The following TSPAN11 variants were observed in gnomAD, a reference collection of about 807,000 sequenced individuals.
The protein encoded by TSPAN11 is tetraspanin-11.
A neutral mutation model predicts 32.9 loss-of-function variants in TSPAN11; 29 were observed. The observed-to-expected ratio is 0.88, with a 90% confidence interval of 0.66 to 1.20. TSPAN11 has a LOEUF of 1.20. TSPAN11 is among the 50% of genes most tolerant of loss of function. The pLI is 0.00. For missense variants in TSPAN11, 283 were observed against 329.1 expected, an observed-to-expected ratio of 0.86 and a Z score of 1.08; for synonymous variants, 140 against 141.3, an observed-to-expected ratio of 0.99 and a Z score of 0.07.
At chr12:30,985,014 G>C (rs1476658553) in intron 7 of TSPAN11, among the ~76,000 whole-genome samples, 3 of 152,118 alleles carry the variant, frequency 2.0e-5, no homozygotes, top group Non-Finnish European at 2.9e-5. Context: ...GAGAAGCAGG[G>C]GACAGTGGCC....
intron 1 of TSPAN11, among the ~76,000 whole-genome samples, chr12:30,934,647 T>G (rs1271408287): frequency 1.3e-5 from 2 of 151,056 alleles, no homozygotes; most frequent in Non-Finnish European, 2.9e-5. Flanking sequence ...TTTTTTTTTT[T>G]GCAATTTTTT....
At chr12:30,989,842 C>T (rs144277641) in intron 7 of TSPAN11, among the ~76,000 whole-genome samples, 108 of 152,336 alleles carry the variant, frequency 7.1e-4, no homozygotes, top group South Asian at 3.7e-3. Flanking sequence ...GAAGGCAGGA[C>T]GGCCTCCCTG....
intron 2 of TSPAN11, among the ~76,000 whole-genome samples, chr12:30,955,665 A>T (rs1020210763): frequency 6.6e-6 from 1 of 152,126 alleles, no homozygotes; most frequent in Non-Finnish European, 1.5e-5. Flanking sequence ...CTTGGATAGA[A>T]TCTTTCCTCG....
chr12:30,974,862 A>G (rs1406837674), intron 3 of TSPAN11, among the ~76,000 whole-genome samples: 1 of 152,256 alleles, frequency 6.6e-6, no homozygotes, highest in Admixed American at 6.5e-5. Flanking sequence ...CCAGCTGAGG[A>G]GAGAAGGGCA....
At chr12:31,011,594 A>T in the TSPAN11 span, among the ~76,000 whole-genome samples, 1 of 152,270 alleles carries the variant, frequency 6.6e-6, no homozygotes, top group Admixed American at 6.5e-5. Context: ...GACACCTCCC[A>T]TCACAGCGCA....
chr12:30,965,386 C>T (rs1381997114), intron 3 of TSPAN11, among the ~76,000 whole-genome samples: 1 of 152,158 alleles, frequency 6.6e-6, no homozygotes, highest in Non-Finnish European at 1.5e-5. Flanking sequence ...TCCTTCCTTC[C>T]GTCGGGTCAT....
chr12:30,952,246 A>G (rs1224361562), intron 1 of TSPAN11, among the ~76,000 whole-genome samples: 1 of 152,068 alleles, frequency 6.6e-6, no homozygotes, highest in Non-Finnish European at 1.5e-5. Flanking sequence ...AGGCCCCACA[A>G]ACTCTGCCAC....
intron 1 of TSPAN11, among the ~76,000 whole-genome samples, chr12:30,942,457 C>G (rs1938185845): frequency 6.6e-6 from 1 of 152,176 alleles, no homozygotes; most frequent in Admixed American, 6.5e-5. Context: ...TTTGCTTCAT[C>G]ACTGATTTTT....
chr12:30,948,400 A>G (rs112134241), intron 1 of TSPAN11, among the ~76,000 whole-genome samples: 7,768 of 152,284 alleles, frequency 0.051, 479 homozygotes, highest in East Asian at 0.14. Context: ...CCGCCCCTGC[A>G]GCAAACTTTT....
chr12:30,985,510 G>A (rs1034900640), intron 7 of TSPAN11, among the ~76,000 whole-genome samples: 26 of 152,278 alleles, frequency 1.7e-4, no homozygotes, highest in Middle Eastern at 6.8e-3. Context: ...CTTCCCCAGG[G>A]CAGGCCTTCT....
intron 6 of TSPAN11, 50 bp from the exon 7 acceptor site, chr12:30,983,014 C>A (rs1424198062): frequency 4.8e-5 from 76 of 1,575,512 alleles, no homozygotes; most frequent in Non-Finnish European, 6.4e-5. Context: ...TCCGTCCCCA[C>A]CCATGCCTGC....
At chr12:30,963,347 C>T (rs1938652643) in intron 2 of TSPAN11, among the ~76,000 whole-genome samples, 1 of 152,212 alleles carries the variant, frequency 6.6e-6, no homozygotes, top group South Asian at 2.1e-4. Flanking sequence ...CCCAGCTGTG[C>T]TTCCCCAATG....
At chr12:30,949,900 T>C (rs1938347559) in intron 1 of TSPAN11, among the ~76,000 whole-genome samples, 1 of 152,158 alleles carries the variant, frequency 6.6e-6, no homozygotes, top group Non-Finnish European at 1.5e-5. Context: ...TCCAGGACCC[T>C]GCACTCCCCT....
At chr12:30,931,883 A>AAAAAAAAAG (rs1937940192) in intron 1 of TSPAN11, among the ~76,000 whole-genome samples, 1 of 143,512 alleles carries the variant, frequency 7.0e-6, no homozygotes, top group Non-Finnish European at 1.5e-5. Context: ...CTGTATCAAA[A>AAAAAAAAAG]AAAAAAAAAA....
chr12:30,989,647 T>A (rs1214833099), intron 7 of TSPAN11, among the ~76,000 whole-genome samples: 1 of 152,136 alleles, frequency 6.6e-6, no homozygotes, highest in Admixed American at 6.5e-5. Flanking sequence ...ACCTCCAACA[T>A]GCTCAGCTTG....
At position 30,983,058 on chromosome 12, in the gene TSPAN11, T is replaced by C. The variant is rs1452417905; in HGVS notation, c.616-6T>C. 3 of 1,611,912 alleles carry C rather than the reference T, an allele frequency of 1.9e-6. No homozygotes were observed. The highest frequency in any genetic ancestry group is 2.5e-6 in the Non-Finnish European group (3 of 1,179,846). ...CATGGCCGCATCACCTGCCCTTCTC[T>C]TACAGGGAGGCTGCCTCACCAAGCT... On this transcript the variant is annotated splice_region_variant and splice_polypyrimidine_tract_variant and intron_variant, in intron 6 of 7. Coordinates refer to ENST00000546076, the MANE Select transcript of TSPAN11 (RefSeq NM_001370302.1).
At chr12:30,988,445 T>C (rs1329989630) in intron 7 of TSPAN11, 1 of 151,998 alleles carries the variant, frequency 6.6e-6, no homozygotes, top group African/African-American at 2.4e-5. Flanking sequence ...AAAAATTAGC[T>C]GGGCGTGGTG....
chr12:31,004,646 G>C, the TSPAN11 span, among the ~76,000 whole-genome samples: 1 of 152,200 alleles, frequency 6.6e-6, no homozygotes, highest in South Asian at 2.1e-4. Flanking sequence ...ATCCACACTA[G>C]AGAGAAATTT....
intron 1 of TSPAN11, among the ~76,000 whole-genome samples, chr12:30,931,879 CAAA>C (rs58500177): frequency 0.039 from 2,356 of 60,868 alleles, 117 homozygotes; most frequent in African/African-American, 0.14. Flanking sequence ...GACGCTGTAT[CAAA>C]AAAAAAAAAA....
Sources: allele counts gnomAD v4.1 joint callset (sites outside exome capture counted in the v4.1 genomes callset), GRCh38; gene constraint gnomAD v4.1.1; transcripts MANE v1.5; gene names NCBI Gene and HGNC (gene_info 2026-07-23, HGNC 2026-07-21).